CSMD3: variants seen among roughly 807,000 people sequenced by gnomAD.
The protein encoded by CSMD3 is CUB and Sushi multiple domains 3.
A neutral mutation model predicts 435.2 loss-of-function variants in CSMD3; 177 were observed. The ratio of observed to expected loss-of-function variants is 0.41; its 90% CI spans 0.36 to 0.46. The LOEUF (loss-of-function observed/expected upper bound fraction) is 0.46, where lower values mean the gene tolerates loss of function less well. Among genes scored for constraint, CSMD3 ranks in the 20% least tolerant of loss-of-function variants. The probability of loss-of-function intolerance (pLI) is 0.34; values close to 1 mark genes in which losing one functional copy is unlikely to be tolerated. For missense variants in CSMD3, 4,265 were observed against 4,504.6 expected (o/e 0.95, Z 1.52); for synonymous variants, 1,656 against 1,520.5 (o/e 1.09, Z -2.07).
chr8:112,763,049 G>C (rs1448716892), intron 13 of CSMD3, among the ~76,000 whole-genome samples: 1 of 151,584 alleles, frequency 6.6e-6, no homozygotes, highest in Non-Finnish European at 1.5e-5. Context: ...GATTTAAAGT[G>C]TTCTCACCAC....
chr8:112,697,730 A>AT (rs1165374726), intron 13 of CSMD3, among the ~76,000 whole-genome samples: 1 of 152,058 alleles, frequency 6.6e-6, no homozygotes, highest in East Asian at 1.9e-4. Flanking sequence ...TTAAAGTATA[A>AT]TAAAAAAAAA....
intron 52 of CSMD3, 145 bp from the exon 53 acceptor site, chr8:112,302,111 T>C: frequency 3.0e-6 from 2 of 659,712 alleles, no homozygotes; most frequent in Non-Finnish European, 5.4e-6. Flanking sequence ...TTTGAATGAG[T>C]GTGAAAGTAG....
At chr8:112,474,051 C>G (rs538027436) in intron 31 of CSMD3, among the ~76,000 whole-genome samples, 1 of 152,140 alleles carries the variant, frequency 6.6e-6, no homozygotes, top group Non-Finnish European at 1.5e-5. Context: ...TTTATTATTC[C>G]CCTCAAACAC....
chr8:112,745,321 T>C (rs1206448512), intron 13 of CSMD3, among the ~76,000 whole-genome samples: 1 of 152,116 alleles, frequency 6.6e-6, no homozygotes, highest in Non-Finnish European at 1.5e-5. Flanking sequence ...GCACCCCATA[T>C]CATATCAAAC....
At position 112,927,459 on chromosome 8, in the gene CSMD3, T is replaced by C. The variant is rs186285027; in HGVS notation, c.1509-5708A>G. 1.8e-4 allele frequency among the ~76,000 whole-genome samples: 28 copies of C among 152,224 alleles called. No individual in the cohort carries two copies. In the East Asian group the frequency reaches 5.0e-3, roughly 27 times the overall value. On this transcript the variant is annotated intron_variant, in intron 9 of 70. Coordinates refer to ENST00000297405, the MANE Select transcript of CSMD3 (RefSeq NM_198123.2). ...ATCCACCCCGCCTTGTCATTACTTGTACTATTAATTATTCCTTCTTTCTCT... is the reference window on the plus strand; with the variant it reads ...ATCCACCCCGCCTTGTCATTACTTGCACTATTAATTATTCCTTCTTTCTCT...
intron 5 of CSMD3, among the ~76,000 whole-genome samples, chr8:113,029,182 C>A (rs996386421): frequency 7.3e-5 from 11 of 151,534 alleles, no homozygotes; most frequent in Non-Finnish European, 5.9e-5. Flanking sequence ...GGATTCACAG[C>A]AGAATTCTAC....
At chr8:112,502,967 ATATATT>A (rs1285362154) in intron 30 of CSMD3, among the ~76,000 whole-genome samples, 1 of 152,178 alleles carries the variant, frequency 6.6e-6, no homozygotes, top group Non-Finnish European at 1.5e-5. Flanking sequence ...TTTTAGAAAA[ATATATT>A]TATAAATATC....
chr8:112,537,732 A>G (rs1450635153), intron 27 of CSMD3, among the ~76,000 whole-genome samples: 1 of 151,886 alleles, frequency 6.6e-6, no homozygotes, highest in Admixed American at 6.6e-5. Flanking sequence ...AAGTAGTAAA[A>G]AAAAAAAGTC....
At chr8:112,244,719 G>T in intron 64 of CSMD3, 146 bp from the exon 65 acceptor site, 2 of 638,878 alleles carry the variant, frequency 3.1e-6, no homozygotes, top group South Asian at 2.0e-5. Flanking sequence ...TCACAAAAAT[G>T]TTTCAATGCA....
At chr8:112,353,220 G>A (rs146141630) in intron 38 of CSMD3, among the ~76,000 whole-genome samples, 4,880 of 152,034 alleles carry the variant, frequency 0.032, 103 homozygotes, top group Non-Finnish European at 0.043. Context: ...GTCAAACCCC[G>A]TCTCTACTAA....
intron 32 of CSMD3, among the ~76,000 whole-genome samples, chr8:112,430,552 T>TTA (rs976446541): frequency 1.2e-4 from 18 of 151,576 alleles, no homozygotes; most frequent in Admixed American, 2.6e-4. Context: ...GTAATAAAAA[T>TTA]TATATATATA....
intron 29 of CSMD3, among the ~76,000 whole-genome samples, chr8:112,504,934 T>C (rs1368541390): frequency 6.6e-6 from 1 of 152,168 alleles, no homozygotes; most frequent in Admixed American, 6.5e-5. Context: ...TTGTTAAACA[T>C]TCATCAGTAG....
chr8:112,295,426 A>T (rs1391246363), intron 54 of CSMD3, among the ~76,000 whole-genome samples: 3 of 152,104 alleles, frequency 2.0e-5, no homozygotes, highest in Non-Finnish European at 2.9e-5. Context: ...TTGTTAGATA[A>T]TATTTATCCA....
chr8:113,194,733 T>C (rs2092631112), intron 3 of CSMD3, among the ~76,000 whole-genome samples: 1 of 151,122 alleles, frequency 6.6e-6, no homozygotes, highest in Non-Finnish European at 1.5e-5. Flanking sequence ...TTTAAATTTT[T>C]CGAAAAAACC....
At chr8:112,571,995 G>C (rs1829564063) in intron 24 of CSMD3, among the ~76,000 whole-genome samples, 1 of 151,342 alleles carries the variant, frequency 6.6e-6, no homozygotes, top group Non-Finnish European at 1.5e-5. Context: ...ATCATCAGTG[G>C]CCCTTTTAGA....
chr8:113,347,956 A>T (rs886621112), intron 1 of CSMD3, among the ~76,000 whole-genome samples: 2 of 152,154 alleles, frequency 1.3e-5, no homozygotes, highest in African/African-American at 2.4e-5. Context: ...AGAAAAAAAT[A>T]AATCATTAAA....
chr8:113,419,781 C>CT (rs903897672), intron 1 of CSMD3, among the ~76,000 whole-genome samples: 14 of 149,148 alleles, frequency 9.4e-5, no homozygotes, highest in South Asian at 4.2e-4. Flanking sequence ...TTTTTGCCAA[C>CT]TTTTTTTTTT....
intron 13 of CSMD3, among the ~76,000 whole-genome samples, chr8:112,734,568 C>A (rs927528895): frequency 6.6e-6 from 1 of 151,800 alleles, no homozygotes. Context: ...TTCTTCTAAT[C>A]GGGGCTGAAT....
chr8:113,256,297 C>T (rs1054055682), intron 3 of CSMD3, among the ~76,000 whole-genome samples: 4 of 151,954 alleles, frequency 2.6e-5, no homozygotes, highest in Non-Finnish European at 4.4e-5. Context: ...ATATATAAAA[C>T]ACTTAAGATA....
Sources: allele counts gnomAD v4.1 joint callset (sites outside exome capture counted in the v4.1 genomes callset), GRCh38; gene constraint gnomAD v4.1.1; transcripts MANE v1.5; gene names NCBI Gene and HGNC (gene_info 2026-07-23, HGNC 2026-07-21).